FOXP2: variants seen among roughly 807,000 people sequenced by gnomAD.
The protein encoded by FOXP2 is forkhead box P2, also known as forkhead box protein P2.
A neutral mutation model predicts 115.8 loss-of-function variants in FOXP2; 12 were observed. That is an observed-to-expected ratio of 0.10 (90% confidence interval 0.07 to 0.17). The LOEUF is 0.17. FOXP2 is among the 10% of genes least tolerant of loss of function. The pLI, the probability that FOXP2 is intolerant of heterozygous loss-of-function variation, is 1.00. For synonymous variants in FOXP2, 328 were observed against 297.7 expected (o/e 1.10, Z -1.05); for missense variants, 629 against 843.5 (o/e 0.75, Z 3.15).
At chr7:114,389,349 A>T (rs915342045) in intron 2 of FOXP2, among the ~76,000 whole-genome samples, 1 of 152,196 alleles carries the variant, frequency 6.6e-6, no homozygotes, top group South Asian at 2.1e-4. Context: ...CTAGGTGAGG[A>T]TTGGAACCCA....
chr7:114,176,947 A>T (rs1793332917), intron 1 of FOXP2, among the ~76,000 whole-genome samples: 1 of 152,094 alleles, frequency 6.6e-6, no homozygotes, highest in Non-Finnish European at 1.5e-5. Context: ...AAATGGTATC[A>T]TTTGGTATAG....
At chr7:114,270,714 C>T (rs1302853681) in intron 1 of FOXP2, among the ~76,000 whole-genome samples, 1 of 151,922 alleles carries the variant, frequency 6.6e-6, no homozygotes, top group Non-Finnish European at 1.5e-5. Flanking sequence ...CTTAACAGTC[C>T]TTTATTAAAT....
intron 3 of FOXP2, among the ~76,000 whole-genome samples, chr7:114,582,975 G>A (rs899948747): frequency 1.3e-5 from 2 of 152,076 alleles, no homozygotes; most frequent in African/African-American, 4.8e-5. Context: ...TTTTCTTGCT[G>A]TTTATGAAAT....
chr7:114,177,484 T>A (rs1172176046), intron 1 of FOXP2, among the ~76,000 whole-genome samples: 2 of 152,124 alleles, frequency 1.3e-5, no homozygotes, highest in Non-Finnish European at 2.9e-5. Flanking sequence ...TAAAGCATGC[T>A]TATTTATAAA....
chr7:114,492,199 A>G (rs1797094812), intron 2 of FOXP2, among the ~76,000 whole-genome samples: 1 of 152,174 alleles, frequency 6.6e-6, no homozygotes, highest in Admixed American at 6.5e-5. Flanking sequence ...TTATTTGCGT[A>G]GAGGTGTTTA....
At chr7:114,550,124 T>C (rs1051389856) in intron 3 of FOXP2, among the ~76,000 whole-genome samples, 3 of 143,796 alleles carry the variant, frequency 2.1e-5, no homozygotes, top group African/African-American at 5.2e-5. Context: ...TTTTTTTTTT[T>C]TTTTTTTTTT....
chr7:114,253,048 T>C (rs968832275), intron 1 of FOXP2, among the ~76,000 whole-genome samples: 1 of 152,212 alleles, frequency 6.6e-6, no homozygotes. Context: ...TTTCGTTATG[T>C]ACCCAGTAGT....
At chr7:114,237,910 G>GT (rs1057085594) in intron 1 of FOXP2, among the ~76,000 whole-genome samples, 17 of 152,130 alleles carry the variant, frequency 1.1e-4, no homozygotes, top group Non-Finnish European at 2.4e-4. Context: ...AGGAGGCAGA[G>GT]GTTATAGTGA....
At chr7:114,534,531 T>C in intron 2 of FOXP2, 86 bp from the exon 3 acceptor site, 1 of 1,065,398 alleles carries the variant, frequency 9.4e-7, no homozygotes, top group Admixed American at 1.7e-5. Flanking sequence ...TTCTTGTACA[T>C]TGAAGCCTTT....
intron 3 of FOXP2, among the ~76,000 whole-genome samples, chr7:114,626,769 T>C (rs1804616727): frequency 6.6e-6 from 1 of 151,884 alleles, no homozygotes; most frequent in Admixed American, 6.6e-5. Flanking sequence ...GTTCTAACCA[T>C]TCTATTTGTT....
chr7:114,240,504 T>C (rs1356758631), intron 1 of FOXP2, among the ~76,000 whole-genome samples: 1 of 152,076 alleles, frequency 6.6e-6, no homozygotes, highest in Non-Finnish European at 1.5e-5. Flanking sequence ...CGTTTTGTTA[T>C]ATGTTTTTTG....
At chr7:114,510,023 A>C (rs1797997916) in intron 2 of FOXP2, among the ~76,000 whole-genome samples, 1 of 152,172 alleles carries the variant, frequency 6.6e-6, no homozygotes, top group Non-Finnish European at 1.5e-5. Flanking sequence ...GTGATAAGAA[A>C]AAGGAAATGT....
intron 2 of FOXP2, among the ~76,000 whole-genome samples, chr7:114,353,334 CTTTTTTTTTTTTTTT>C (rs138925770): frequency 1.6e-5 from 1 of 64,114 alleles, no homozygotes; most frequent in African/African-American, 5.9e-5. Context: ...ATAGGAGCCT[CTTTTTTTTTTTTTTT>C]TTTTTTTTTT....
At chr7:114,322,132 C>T (rs1797439581) in intron 2 of FOXP2, among the ~76,000 whole-genome samples, 1 of 151,704 alleles carries the variant, frequency 6.6e-6, no homozygotes, top group Admixed American at 6.6e-5. Flanking sequence ...AAGCAATCCC[C>T]CTGCCTTAGC....
At chr7:114,569,078 A>AT (rs1051869391) in intron 3 of FOXP2, among the ~76,000 whole-genome samples, 5 of 151,880 alleles carry the variant, frequency 3.3e-5, no homozygotes, top group African/African-American at 9.7e-5. Context: ...ACAATCACTT[A>AT]TTTTTTATGT....
chr7:114,204,689 G>T (rs878882617), intron 1 of FOXP2, among the ~76,000 whole-genome samples: 4 of 152,098 alleles, frequency 2.6e-5, no homozygotes, highest in Admixed American at 2.6e-4. Context: ...TTTGCTTTTT[G>T]TGACAAAATT....
chr7:114,473,278 T>C (rs1384774728), intron 2 of FOXP2, among the ~76,000 whole-genome samples: 1 of 152,110 alleles, frequency 6.6e-6, no homozygotes, highest in African/African-American at 2.4e-5. Flanking sequence ...AGTCTAAATA[T>C]AGCCCCCATT....
intron 2 of FOXP2, among the ~76,000 whole-genome samples, chr7:114,344,652 A>G (rs1249752119): frequency 6.6e-6 from 1 of 151,866 alleles, no homozygotes; most frequent in Non-Finnish European, 1.5e-5. Flanking sequence ...AGAGATACAT[A>G]CATAGAGTAG....
chr7:114,394,675 T>G (rs890701921), intron 2 of FOXP2, among the ~76,000 whole-genome samples: 3 of 152,214 alleles, frequency 2.0e-5, no homozygotes, highest in Non-Finnish European at 2.9e-5. Flanking sequence ...GTATTATGCC[T>G]GGCAAAGATG....
Sources: gnomAD v4.1 joint callset for allele counts (sites outside exome capture counted in the v4.1 genomes callset) on GRCh38, gnomAD v4.1.1 for gene constraint, MANE v1.5 for transcripts, NCBI Gene and HGNC (gene_info 2026-07-23, HGNC 2026-07-21) for gene names.